LDLRAD3: variants seen among roughly 807,000 people sequenced by gnomAD.
LDLRAD3 encodes the protein low-density lipoprotein receptor class A domain-containing protein 3.
A neutral mutation model predicts 29.4 loss-of-function variants in LDLRAD3; 20 were observed. The ratio of observed to expected loss-of-function variants is 0.68; its 90% confidence interval spans 0.48 to 0.99. The LOEUF (loss-of-function observed/expected upper bound fraction) is 0.99, where lower values mean the gene tolerates loss of function less well. LDLRAD3 is among the 50% of genes least tolerant of loss of function. The probability of loss-of-function intolerance (pLI) is 0.00; values close to 1 mark genes in which losing one functional copy is unlikely to be tolerated. For missense variants in LDLRAD3, 420 were observed against 454.3 expected, an observed-to-expected ratio of 0.92 and a Z score of 0.69; for synonymous variants, 157 against 192.7, an observed-to-expected ratio of 0.81 and a Z score of 1.53.
rs572900030 is a variant in LDLRAD3 at position 36,027,002 on chromosome 11, C to T, written c.47-9101C>T. Among the ~76,000 whole-genome samples, 61 of 152,324 alleles carry T rather than the reference C, an allele frequency of 4.0e-4. 1 individual carries two copies. The highest frequency in any genetic ancestry group is 5.9e-4 in the Admixed American group (9 of 15,298). On this transcript the variant is annotated intron_variant, in intron 1 of 5. Transcript: ENST00000315571. ...ACTTGCTCTCACGTTACTCTGGATT[C>T]GCCTTGAATTCTTTCTTACATGAGA...
chr11:35,956,805 G>A (rs968642794), intron 1 of LDLRAD3, among the ~76,000 whole-genome samples: 5 of 151,982 alleles, frequency 3.3e-5, no homozygotes, highest in Admixed American at 2.0e-4. Context: ...GTGCAATCTC[G>A]GCTCACTGCA....
intron 1 of LDLRAD3, among the ~76,000 whole-genome samples, chr11:36,007,494 A>T (rs996023942): frequency 6.6e-6 from 1 of 152,166 alleles, no homozygotes; most frequent in African/African-American, 2.4e-5. Context: ...TCCTTTGTGC[A>T]TACTGGAGAG....
intron 1 of LDLRAD3, among the ~76,000 whole-genome samples, chr11:35,965,927 A>G (rs970286357): frequency 1.3e-5 from 2 of 152,220 alleles, no homozygotes; most frequent in African/African-American, 2.4e-5. Flanking sequence ...ACATTATTTT[A>G]TAGCAGATCC....
intron 1 of LDLRAD3, among the ~76,000 whole-genome samples, chr11:35,945,338 C>G (rs889879789): frequency 6.6e-6 from 1 of 152,186 alleles, no homozygotes; most frequent in Admixed American, 6.5e-5. Flanking sequence ...GTCCCTGGTC[C>G]TGGGCATCCT....
At chr11:36,118,338 G>T (rs1723829562) in intron 4 of LDLRAD3, among the ~76,000 whole-genome samples, 1 of 152,088 alleles carries the variant, frequency 6.6e-6, no homozygotes, top group South Asian at 2.1e-4. Context: ...CTAAAACTGA[G>T]GTCTGTTTTC....
chr11:35,976,088 G>A (rs1294339847), intron 1 of LDLRAD3, among the ~76,000 whole-genome samples: 1 of 152,096 alleles, frequency 6.6e-6, no homozygotes, highest in African/African-American at 2.4e-5. Context: ...GGAGTGTAGG[G>A]TGCTGAAAGG....
chr11:36,052,788 G>C (rs1852547412), intron 2 of LDLRAD3, among the ~76,000 whole-genome samples: 1 of 152,136 alleles, frequency 6.6e-6, no homozygotes, highest in Non-Finnish European at 1.5e-5. Context: ...ATTAGCTATA[G>C]TTATTAACAA....
chr11:36,192,433 C>T (rs373965976), intron 4 of LDLRAD3, among the ~76,000 whole-genome samples: 26 of 152,248 alleles, frequency 1.7e-4, no homozygotes, highest in African/African-American at 6.0e-4. Flanking sequence ...CAGGTAACTG[C>T]AGGATGAGTG....
intron 4 of LDLRAD3, among the ~76,000 whole-genome samples, chr11:36,139,830 T>C (rs1196694906): frequency 2.0e-5 from 3 of 152,082 alleles, no homozygotes; most frequent in Non-Finnish European, 4.4e-5. Context: ...GAACCTAGTA[T>C]GGAAAGAATA....
chr11:36,128,570 T>C (rs76690971), intron 4 of LDLRAD3, among the ~76,000 whole-genome samples: 3,398 of 152,236 alleles, frequency 0.022, 123 homozygotes, highest in African/African-American at 0.078. Flanking sequence ...CACTCTAGGC[T>C]GGGCACGGTG....
At chr11:36,062,937 G>A (rs1193128134) in intron 2 of LDLRAD3, among the ~76,000 whole-genome samples, 1 of 152,164 alleles carries the variant, frequency 6.6e-6, no homozygotes, top group Non-Finnish European at 1.5e-5. Context: ...TTGTATAGCA[G>A]GGAAGAAATG....
At chr11:35,998,562 G>C (rs1851783897) in intron 1 of LDLRAD3, among the ~76,000 whole-genome samples, 1 of 152,150 alleles carries the variant, frequency 6.6e-6, no homozygotes, top group Non-Finnish European at 1.5e-5. Flanking sequence ...AACAGTCCTA[G>C]AATGAACCTC....
At chr11:36,133,970 G>GTA (rs139013631) in intron 4 of LDLRAD3, among the ~76,000 whole-genome samples, 2,994 of 150,826 alleles carry the variant, frequency 0.02, 83 homozygotes, top group African/African-American at 0.069. Flanking sequence ...AGATTTCCAA[G>GTA]TATATATATA....
intron 1 of LDLRAD3, among the ~76,000 whole-genome samples, chr11:35,946,449 A>G (rs1485861971): frequency 6.6e-6 from 1 of 152,156 alleles, no homozygotes; most frequent in Non-Finnish European, 1.5e-5. Context: ...CTTCTCAGAC[A>G]CCTTGCATAT....
At chr11:36,037,846 C>G (rs1228915711) in intron 2 of LDLRAD3, among the ~76,000 whole-genome samples, 1 of 152,202 alleles carries the variant, frequency 6.6e-6, no homozygotes, top group East Asian at 1.9e-4. Flanking sequence ...ATATTTCATA[C>G]TGCTTGTTGC....
chr11:36,079,555 T>A (rs1853078030), intron 2 of LDLRAD3, among the ~76,000 whole-genome samples: 1 of 152,178 alleles, frequency 6.6e-6, no homozygotes, highest in Non-Finnish European at 1.5e-5. Flanking sequence ...TGGTTGGGGC[T>A]GATGTTGTGG....
chr11:36,042,717 A>T (rs1852397840), intron 2 of LDLRAD3, among the ~76,000 whole-genome samples: 1 of 152,238 alleles, frequency 6.6e-6, no homozygotes, highest in African/African-American at 2.4e-5. Context: ...ATCCAATACG[A>T]CTGGAGTCCT....
chr11:36,205,696 A>T (rs543891663), intron 4 of LDLRAD3, among the ~76,000 whole-genome samples: 3 of 152,324 alleles, frequency 2.0e-5, no homozygotes, highest in African/African-American at 7.2e-5. Flanking sequence ...ATTATGACTG[A>T]TTATGGGTTT....
intron 2 of LDLRAD3, among the ~76,000 whole-genome samples, chr11:36,040,305 T>G (rs1852364469): frequency 6.6e-6 from 1 of 152,112 alleles, no homozygotes; most frequent in Admixed American, 6.6e-5. Context: ...GAAGATTTTT[T>G]TTTTTTAATC....
Sources: allele counts gnomAD v4.1 joint callset (sites outside exome capture counted in the v4.1 genomes callset), GRCh38; gene constraint gnomAD v4.1.1; transcripts MANE v1.5; gene names NCBI Gene and HGNC (gene_info 2026-07-23, HGNC 2026-07-21).